ENAH: variants seen among roughly 807,000 people sequenced by gnomAD.
ENAH encodes the protein ENAH actin regulator.
Under a neutral mutation model 78.7 loss-of-function variants are expected in ENAH, and 23 were observed. The observed-to-expected ratio is 0.29, with a 90% CI of 0.21 to 0.41. The LOEUF (loss-of-function observed/expected upper bound fraction) is 0.41, where lower values mean the gene tolerates loss of function less well. Ranked by LOEUF, ENAH falls within the 10% of genes least tolerant of loss-of-function variation. ENAH has a pLI of 1.00. For synonymous variants in ENAH, 226 were observed against 241.0 expected, an observed-to-expected ratio of 0.94 and a Z score of 0.58; for missense variants, 544 against 691.0, an observed-to-expected ratio of 0.79 and a Z score of 2.39.
intron 1 of ENAH, among the ~76,000 whole-genome samples, chr1:225,627,187 G>C (rs1464495240): frequency 6.6e-6 from 1 of 152,078 alleles, no homozygotes; most frequent in Admixed American, 6.5e-5. Context: ...TGAAACTTTG[G>C]GAAAAATGTT....
chr1:225,518,947 T>A (rs2096443651), intron 5 of ENAH: 1 of 555,970 alleles, frequency 1.8e-6, no homozygotes. Context: ...TTTTATAGGG[T>A]GTTAGAAGAA....
intron 2 of ENAH, among the ~76,000 whole-genome samples, chr1:225,557,113 A>G (rs187221950): frequency 2.0e-5 from 3 of 152,260 alleles, no homozygotes; most frequent in African/African-American, 7.2e-5. Context: ...GGCTCTTCTC[A>G]GTCCTTTGTG....
intron 3 of ENAH, among the ~76,000 whole-genome samples, chr1:225,536,744 A>C (rs1575445676): frequency 6.6e-6 from 1 of 152,056 alleles, no homozygotes; most frequent in East Asian, 1.9e-4. Context: ...GAAATTATTT[A>C]ACATAATCCA....
chr1:225,556,094 A>G (rs1180588173), intron 2 of ENAH, among the ~76,000 whole-genome samples: 1 of 152,182 alleles, frequency 6.6e-6, no homozygotes, highest in African/African-American at 2.4e-5. Flanking sequence ...TATAAATCAT[A>G]TTTATTTAAC....
intron 11 of ENAH, among the ~76,000 whole-genome samples, chr1:225,504,174 T>A (rs989490556): frequency 7.2e-6 from 1 of 138,782 alleles, no homozygotes; most frequent in African/African-American, 2.5e-5. Context: ...GCCCAGCTAA[T>A]TTTTTTTTAT....
Position 225,614,574 on chromosome 1 carries a change from A to G in ENAH, c.5+38112T>C, listed in dbSNP as rs1318870384. 5.9e-5 allele frequency among the ~76,000 whole-genome samples: 9 copies of G among 152,186 alleles called. No individual in the cohort carries two copies. In the East Asian group the frequency reaches 1.7e-3, roughly 29 times the overall value. On this transcript the variant is annotated intron_variant, in intron 1 of 13. Coordinates refer to ENST00000366843, the MANE Select transcript of ENAH (RefSeq NM_018212.6). ...AGGCTTCATTATGTAGACATGACTG[A>G]TTAAATCACTGGCCACTGGTTATCA...
At chr1:225,623,897 A>G (rs1290421854) in intron 1 of ENAH, among the ~76,000 whole-genome samples, 1 of 151,962 alleles carries the variant, frequency 6.6e-6, no homozygotes, top group East Asian at 1.9e-4. Context: ...TCAGTACCCG[A>G]TAAGTAGTTT....
At chr1:225,566,343 A>G (rs1035868580) in intron 2 of ENAH, among the ~76,000 whole-genome samples, 1 of 152,064 alleles carries the variant, frequency 6.6e-6, no homozygotes, top group South Asian at 2.1e-4. Context: ...ATATGCATAC[A>G]TGACAAATCT....
At chr1:225,642,707 T>C (rs1661303758) in intron 1 of ENAH, among the ~76,000 whole-genome samples, 1 of 152,182 alleles carries the variant, frequency 6.6e-6, no homozygotes. Context: ...GGATACGATA[T>C]ATGTATATGC....
At position 225,580,912 on chromosome 1, in the gene ENAH, CAAAAAAAAAA is replaced by C. The variant is rs78529288; in HGVS notation, c.6-13508_6-13499del. Among the ~76,000 whole-genome samples, 436 of 63,940 alleles carry C rather than the reference CAAAAAAAAAA, an allele frequency of 6.8e-3. 1 individual carries two copies. The highest frequency in any genetic ancestry group is 0.023 in the African/African-American group (412 of 18,206). The allele number at this position is 63,940 out of a possible 152,430, so 41.9% of individuals were successfully genotyped here. A position where few individuals can be genotyped will look rare whatever the true frequency, so the allele number is the denominator to read the frequency against. The stretch of plus-strand genomic sequence containing the variant: ...CGAGACTCTGTCTCAAGAAAAAAAC[CAAAAAAAAAA>C]AAAAAAAAAGCCAAGATTACCTCAG... On this transcript the variant is annotated intron_variant, in intron 1 of 13. Transcript: ENST00000366843.
At chr1:225,601,459 A>T (rs2096930563) in intron 1 of ENAH, among the ~76,000 whole-genome samples, 1 of 151,688 alleles carries the variant, frequency 6.6e-6, no homozygotes, top group African/African-American at 2.4e-5. Context: ...CGGGGCTTGC[A>T]GTGAGCCAAG....
intron 1 of ENAH, among the ~76,000 whole-genome samples, chr1:225,630,840 T>C (rs1204382768): frequency 6.6e-6 from 1 of 152,202 alleles, no homozygotes; most frequent in Non-Finnish European, 1.5e-5. Context: ...CAACTTGAAT[T>C]CTCAAGCTAA....
At chr1:225,555,206 A>C in intron 2 of ENAH, 123 bp from the exon 3 acceptor site, 1 of 740,260 alleles carries the variant, frequency 1.4e-6, no homozygotes, top group Non-Finnish European at 2.0e-6. Context: ...AAAATTGCTT[A>C]AACAATTATC....
chr1:225,641,791 C>T (rs1661110478), intron 1 of ENAH, among the ~76,000 whole-genome samples: 1 of 152,152 alleles, frequency 6.6e-6, no homozygotes, highest in African/African-American at 2.4e-5. Flanking sequence ...GAGGCCGAGG[C>T]AGGCAGATCA....
intron 1 of ENAH, among the ~76,000 whole-genome samples, chr1:225,622,756 T>C (rs911835177): frequency 2.0e-5 from 3 of 152,166 alleles, no homozygotes; most frequent in East Asian, 1.9e-4. Flanking sequence ...CCTAAGAATC[T>C]TGGGAGCATA....
chr1:225,611,894 C>T lies in ENAH; in HGVS notation c.5+40792G>A, dbSNP rs569033635. The stretch of plus-strand genomic sequence containing the variant: ...TCAAAAATCACACTCACTAGGATGG[C>T]TATCATAAAAAACAAAACACAAAAA... On this transcript the variant is annotated intron_variant, in intron 1 of 13. Transcript: ENST00000366843. Among the ~76,000 whole-genome samples, 8 of 152,210 alleles carry T rather than the reference C, an allele frequency of 5.3e-5. No individual in the cohort carries two copies. The South Asian group carries it at 1.7e-3, about 32-fold the overall frequency.
chr1:225,566,263 TTTTG>T (rs56724885), intron 2 of ENAH, among the ~76,000 whole-genome samples: 24 of 151,892 alleles, frequency 1.6e-4, no homozygotes, highest in Middle Eastern at 3.2e-3. Flanking sequence ...TTGTGTGTTT[TTTTG>T]TTTGTTTGTT....
rs1395897343 is a variant in ENAH, at chr1:225,518,202, A to T, written c.803-896T>A. On this transcript the variant is annotated intron_variant, in intron 5 of 13. Coordinates refer to ENST00000366843, the MANE Select transcript of ENAH (RefSeq NM_018212.6). ...ATTTTGAGATTCAGAAGGGGATGAA[A>T]TAAGTTTCCTTTTATCTAATAAGTG... Among the ~76,000 whole-genome samples the T allele has an allele frequency of 2.0e-5, 3 of 152,242 alleles. No individual in the cohort carries two copies. In the East Asian group the frequency reaches 5.8e-4, roughly 29 times the overall value.
At chr1:225,564,078 T>TTTG (rs1378455915) in intron 2 of ENAH, among the ~76,000 whole-genome samples, 1 of 152,112 alleles carries the variant, frequency 6.6e-6, no homozygotes, top group Non-Finnish European at 1.5e-5. Context: ...AAATTGGTTA[T>TTTG]TTGTACTGTT....
Sources: gnomAD v4.1 joint callset for allele counts (sites outside exome capture counted in the v4.1 genomes callset) on GRCh38, gnomAD v4.1.1 for gene constraint, MANE v1.5 for transcripts, NCBI Gene and HGNC (gene_info 2026-07-23, HGNC 2026-07-21) for gene names.